KHDRBS2: variants seen among roughly 807,000 people sequenced by gnomAD.
KHDRBS2 encodes KH RNA binding domain containing, signal transduction associated 2.
A neutral mutation model predicts 44.3 loss-of-function variants in KHDRBS2; 26 were observed. That is an observed-to-expected ratio of 0.59 (90% CI 0.43 to 0.81). KHDRBS2 has a LOEUF of 0.81. Ranked by LOEUF, KHDRBS2 falls within the 40% of genes least tolerant of loss-of-function variation. KHDRBS2 has a pLI of 0.00. For synonymous variants in KHDRBS2, 194 were observed against 151.1 expected (o/e 1.28, Z -2.08); for missense variants, 476 against 433.1 (o/e 1.10, Z -0.88).
At chr6:61,915,013 T>C (rs1317149611) in intron 4 of KHDRBS2, among the ~76,000 whole-genome samples, 1 of 152,044 alleles carries the variant, frequency 6.6e-6, no homozygotes, top group Non-Finnish European at 1.5e-5. Flanking sequence ...ACAATAATAA[T>C]AATCCAATCC....
intron 6 of KHDRBS2, among the ~76,000 whole-genome samples, chr6:61,854,299 T>C (rs569810549): frequency 1.3e-5 from 2 of 152,258 alleles, no homozygotes; most frequent in South Asian, 4.1e-4. Context: ...AGTTCTATCT[T>C]TAATGTATGC....
At chr6:62,059,010 A>T (rs1352213617) in intron 2 of KHDRBS2, among the ~76,000 whole-genome samples, 2 of 151,658 alleles carry the variant, frequency 1.3e-5, no homozygotes, top group African/African-American at 2.4e-5. Context: ...CTTAGGAAAC[A>T]TATGAAAGAA....
intron 6 of KHDRBS2, among the ~76,000 whole-genome samples, chr6:61,745,223 T>C (rs1263964270): frequency 2.0e-5 from 3 of 152,186 alleles, no homozygotes; most frequent in Non-Finnish European, 2.9e-5. Context: ...TAAAAGGAGA[T>C]ATCCTGAAAC....
intron 6 of KHDRBS2, among the ~76,000 whole-genome samples, chr6:61,856,588 T>G (rs1284887079): frequency 6.6e-6 from 1 of 152,124 alleles, no homozygotes; most frequent in African/African-American, 2.4e-5. Context: ...AAGTATTTCT[T>G]ATTTTCAAGA....
chr6:61,915,495 G>C (rs917981366), intron 4 of KHDRBS2, among the ~76,000 whole-genome samples: 4 of 151,850 alleles, frequency 2.6e-5, no homozygotes, highest in Admixed American at 1.3e-4. Flanking sequence ...AATTTTTATT[G>C]TCCTATAGTA....
intron 6 of KHDRBS2, among the ~76,000 whole-genome samples, chr6:61,784,898 T>C (rs922554668): frequency 2.0e-5 from 3 of 152,066 alleles, no homozygotes; most frequent in Non-Finnish European, 4.4e-5. Context: ...CCTGTAATAC[T>C]AGCACTTTGG....
At chr6:61,823,654 T>C (rs1431408719) in intron 6 of KHDRBS2, among the ~76,000 whole-genome samples, 1 of 152,128 alleles carries the variant, frequency 6.6e-6, no homozygotes, top group Non-Finnish European at 1.5e-5. Flanking sequence ...GGTTTTCCAT[T>C]ATCTATTGCT....
rs541070797 is a variant in KHDRBS2 at position 62,148,630 on chromosome 6, T to C, written c.219+28555A>G. Among the ~76,000 whole-genome samples, 66 of 151,724 alleles carry C rather than the reference T, an allele frequency of 4.4e-4. No individual in the cohort carries two copies. In the South Asian group the frequency reaches 0.013, roughly 30 times the overall value. ...TATTAAAAACAACAACAACAACAAA[T>C]GAAAAACAAGCCTCAGACCTCTCTC... On this transcript the variant is annotated intron_variant, in intron 2 of 8. Transcript: ENST00000281156.
At chr6:61,586,024 C>T in the KHDRBS2 span, among the ~76,000 whole-genome samples, 1 of 152,066 alleles carries the variant, frequency 6.6e-6, no homozygotes, top group Non-Finnish European at 1.5e-5. Flanking sequence ...ATGGTGGAGC[C>T]AACACTGAGA....
At chr6:61,846,908 A>G in intron 6 of KHDRBS2, among the ~76,000 whole-genome samples, 1 of 152,108 alleles carries the variant, frequency 6.6e-6, no homozygotes, top group East Asian at 1.9e-4. Context: ...TTTTAGAAAA[A>G]AAGATGCTAT....
At chr6:62,130,024 C>T (rs1203092211) in intron 2 of KHDRBS2, among the ~76,000 whole-genome samples, 1 of 152,106 alleles carries the variant, frequency 6.6e-6, no homozygotes, top group Non-Finnish European at 1.5e-5. Flanking sequence ...CTACTAATTC[C>T]AGATAATTTT....
At chr6:61,852,683 T>C (rs1795624562) in intron 6 of KHDRBS2, among the ~76,000 whole-genome samples, 1 of 152,176 alleles carries the variant, frequency 6.6e-6, no homozygotes, top group Non-Finnish European at 1.5e-5. Context: ...ATGGAAAGGA[T>C]TTATAAGGCT....
the KHDRBS2 span, among the ~76,000 whole-genome samples, chr6:61,601,626 C>T: frequency 1.3e-5 from 2 of 152,026 alleles, no homozygotes; most frequent in African/African-American, 2.4e-5. Context: ...GCAACTCATC[C>T]CAAATCCTCC....
At chr6:62,107,334 C>T (rs1458822276) in intron 2 of KHDRBS2, among the ~76,000 whole-genome samples, 1 of 152,136 alleles carries the variant, frequency 6.6e-6, no homozygotes, top group African/African-American at 2.4e-5. Context: ...GAGTGAACTC[C>T]CATTCACAAT....
the KHDRBS2 span, among the ~76,000 whole-genome samples, chr6:61,548,255 G>C: frequency 1.3e-5 from 2 of 152,084 alleles, no homozygotes; most frequent in Non-Finnish European, 2.9e-5. Context: ...CAAAACATGA[G>C]ATATTTTGTC....
At chr6:61,995,619 T>C (rs1777023921) in intron 3 of KHDRBS2, among the ~76,000 whole-genome samples, 2 of 152,202 alleles carry the variant, frequency 1.3e-5, no homozygotes, top group African/African-American at 4.8e-5. Flanking sequence ...AAGGGGTCCA[T>C]GTGATCTCAT....
At position 61,837,472 on chromosome 6, in the gene KHDRBS2, A is replaced by T. The variant is rs149473971; in HGVS notation, c.810+57163T>A. Among the ~76,000 whole-genome samples the T allele has an allele frequency of 1.1e-3, 173 of 152,106 alleles. 1 individual carries two copies. Among genetic ancestry groups the T allele is most frequent in the Non-Finnish European group, 2.1e-3 (141 of 67,924 alleles). On this transcript the variant is annotated intron_variant, in intron 6 of 8. Coordinates refer to ENST00000281156, the MANE Select transcript of KHDRBS2 (RefSeq NM_152688.4). ...AGGTAAGAAGAGATTTACACTATGA[A>T]GTAAATAAGCAGCAAGCTTTATTGT... is the stretch of plus-strand genomic sequence containing the variant.
At chr6:61,590,834 A>G in the KHDRBS2 span, among the ~76,000 whole-genome samples, 2 of 152,194 alleles carry the variant, frequency 1.3e-5, no homozygotes, top group Non-Finnish European at 2.9e-5. Flanking sequence ...TTACATATCC[A>G]AGGTCTAATT....
At chr6:62,127,477 C>A (rs535268928) in intron 2 of KHDRBS2, among the ~76,000 whole-genome samples, 1 of 151,902 alleles carries the variant, frequency 6.6e-6, no homozygotes, top group African/African-American at 2.4e-5. Context: ...TAAAATAATC[C>A]TTACTTTAAA....
Sources: allele counts gnomAD v4.1 joint callset (sites outside exome capture counted in the v4.1 genomes callset), GRCh38; gene constraint gnomAD v4.1.1; transcripts MANE v1.5; gene names NCBI Gene and HGNC (gene_info 2026-07-23, HGNC 2026-07-21).